MPV17L2: variants seen among roughly 807,000 people sequenced by gnomAD.
MPV17L2 encodes the protein MPV17 mitochondrial inner membrane protein like 2.
MPV17L2 carries 25 observed loss-of-function variants against 24.2 expected under a neutral mutation model. The ratio of observed to expected loss-of-function variants is 1.03; its 90% confidence interval spans 0.75 to 1.44. MPV17L2 has a LOEUF of 1.44. MPV17L2 is among the 40% of genes most tolerant of loss of function. The probability of loss-of-function intolerance (pLI) is 0.00; values close to 1 mark genes in which losing one functional copy is unlikely to be tolerated. For synonymous variants in MPV17L2, 130 were observed against 121.4 expected (o/e 1.07, Z -0.46); for missense variants, 271 against 276.2 (o/e 0.98, Z 0.13).
rs1224779702 is a variant in MPV17L2, at chr19:18,196,169, A to T, written c.*114A>T. The stretch of plus-strand genomic sequence containing the variant: ...GGGTCTTGAGCCACGTCCCAGCACC[A>T]CTTCAGCTCCGGAGCATTGGGCTGA... On this transcript the variant is annotated 3_prime_UTR_variant, in exon 5 of 5. Transcript: ENST00000599612. 5 of 1,577,930 alleles carry T rather than the reference A, an allele frequency of 3.2e-6. No homozygotes were observed. Among genetic ancestry groups the T allele is most frequent in the Non-Finnish European group, 4.3e-6 (5 of 1,165,278 alleles).
chr19:18,194,722 G>C, intron 2 of MPV17L2, 55 bp from the exon 3 acceptor site: 1 of 1,500,256 alleles, frequency 6.7e-7, no homozygotes, highest in Non-Finnish European at 9.1e-7. Flanking sequence ...CCATCTTGTC[G>C]TCTCAACAGT....
intron 1 of MPV17L2, 142 bp downstream of exon 1, chr19:18,193,610 T>TAA: frequency 7.1e-7 from 1 of 1,405,052 alleles, no homozygotes; most frequent in Non-Finnish European, 9.3e-7. Flanking sequence ...GGTGTCTGTC[T>TAA]CCCCGCAGCT....
chr19:18,196,739 A>G lies in MPV17L2; in HGVS notation c.*684A>G. The G allele has an allele frequency of 3.1e-6, 1 of 320,070 alleles. No homozygotes were observed. The highest frequency in any genetic ancestry group is 6.1e-6 in the Non-Finnish European group (1 of 163,238). 19.8% of individuals were successfully genotyped at this position (320,070 alleles called of 1,614,324 possible). A position where few individuals can be genotyped will look rare whatever the true frequency, so the allele number is the denominator to read the frequency against. Reference sequence around the variant, plus strand: ...TATTGAAAAATAAAAATAACAAAAGAAAATGCTGTGGATGATCAAAACCAG... The same window carrying G: ...TATTGAAAAATAAAAATAACAAAAGGAAATGCTGTGGATGATCAAAACCAG... On this transcript the variant is annotated 3_prime_UTR_variant, in exon 5 of 5. Coordinates refer to ENST00000599612, the MANE Select transcript of MPV17L2 (RefSeq NM_032683.3).
intron 2 of MPV17L2, 64 bp downstream of exon 2, chr19:18,194,098 T>C (rs898719390): frequency 1.3e-6 from 2 of 1,554,546 alleles, no homozygotes; most frequent in African/African-American, 2.7e-5. Flanking sequence ...GCCAGCTTTG[T>C]GTTAAGAAGG....
chr19:18,196,568 C>A lies in MPV17L2; in HGVS notation c.*513C>A. 1 of 638,352 alleles carries A rather than the reference C, an allele frequency of 1.6e-6. No homozygotes were observed. The highest frequency in any genetic ancestry group is 2.3e-6 in the Non-Finnish European group (1 of 435,156). 39.5% of individuals were successfully genotyped at this position (638,352 alleles called of 1,614,324 possible). ...AACTGTGGAAATGCCATTAAACTCT[C>A]TCTATAATGTAACTGAAACTGCTGG... is the stretch of plus-strand genomic sequence containing the variant. On this transcript the variant is annotated 3_prime_UTR_variant, in exon 5 of 5. Transcript: ENST00000599612.
At position 18,196,180 on chromosome 19, in the gene MPV17L2, G is replaced by C. The variant is rs17683509; in HGVS notation, c.*125G>C. On this transcript the variant is annotated 3_prime_UTR_variant, in exon 5 of 5. Coordinates refer to ENST00000599612, the MANE Select transcript of MPV17L2 (RefSeq NM_032683.3). ...CACGTCCCAGCACCACTTCAGCTCCGGAGCATTGGGCTGAGCCGCCCTTTC... is the reference window on the plus strand; with the variant it reads ...CACGTCCCAGCACCACTTCAGCTCCCGAGCATTGGGCTGAGCCGCCCTTTC... The C allele has an allele frequency of 0.32, 492,743 of 1,560,434 alleles. 80,837 individuals are homozygous for C. Among genetic ancestry groups the C allele is most frequent in the Non-Finnish European group, 0.34 (388,410 of 1,156,920 alleles).
At chr19:18,194,560 CTCTT>C (rs1233730992) in intron 2 of MPV17L2, among the ~76,000 whole-genome samples, 1 of 152,174 alleles carries the variant, frequency 6.6e-6, no homozygotes, top group Non-Finnish European at 1.5e-5. Context: ...TTTATAACCT[CTCTT>C]TCTCTCACTG....
In MPV17L2 at chr19:18,193,879, T is replaced by A; in HGVS notation, c.203T>A (p.Val68Glu). ...ACTCTTATAGCGAGCATGTTTGCGG[T>A]GGGCTGCAGCATGGGTCCCTTCCTG... ...DPRRSASMFA[V>E]GCSMGPFLHY... Residue 68 changes from valine to glutamate, a missense_variant, in exon 2 of 5, where the codon GTG becomes GAG. By Grantham distance (121) the Val-to-Glu change is moderately radical. Coordinates refer to ENST00000599612, the MANE Select transcript of MPV17L2 (RefSeq NM_032683.3). 2 of 1,614,106 alleles carry A rather than the reference T, an allele frequency of 1.2e-6. No individual in the cohort carries two copies. Among genetic ancestry groups the A allele is most frequent in the South Asian group, 1.1e-5 (1 of 91,084 alleles).
At position 18,193,864 on chromosome 19, in the gene MPV17L2, C is replaced by T. The variant is rs1403295667; in HGVS notation, c.188C>T (p.Ala63Val). Residue 63 changes from alanine (A) to valine (V), a missense_variant and splice_region_variant, in exon 2 of 5, where the codon GCG becomes GTG. Physicochemically the swap from Ala to Val is moderately conservative, Grantham distance 64. Coordinates refer to ENST00000599612, the MANE Select transcript of MPV17L2 (RefSeq NM_032683.3). ...AGCCCCCTGACTTACACTCTTATAGCGAGCATGTTTGCGGTGGGCTGCAGC... is the reference window on the plus strand; with the variant it reads ...AGCCCCCTGACTTACACTCTTATAGTGAGCATGTTTGCGGTGGGCTGCAGC... Reference protein sequence around the residue: ...PGQVFDPRRSASMFAVGCSMG... With the variant: ...PGQVFDPRRSVSMFAVGCSMG... 1 of 1,613,956 alleles carries T rather than the reference C, an allele frequency of 6.2e-7. No individual in the cohort carries two copies. Among genetic ancestry groups the T allele is most frequent in the East Asian group, 2.2e-5 (1 of 44,894 alleles).
At chr19:18,194,498 AAC>A (rs1967475924) in intron 2 of MPV17L2, among the ~76,000 whole-genome samples, 1 of 152,186 alleles carries the variant, frequency 6.6e-6, no homozygotes, top group South Asian at 2.1e-4. Context: ...ATGGAAAAGT[AAC>A]ACAACTCCCT....
At position 18,194,150 on chromosome 19, in the gene MPV17L2, C is replaced by T. The variant is rs1967470506; in HGVS notation, c.358+116C>T. 6 of 1,196,018 alleles carry T rather than the reference C, an allele frequency of 5.0e-6. No homozygotes were observed. In the East Asian group the frequency reaches 1.5e-4, roughly 31 times the overall value. The allele number at this position is 1,196,018 out of a possible 1,614,324, so 74.1% of individuals were successfully genotyped here. Reference sequence around the variant, plus strand: ...CCAATTTGCCCCCTGTTTGGGTCGCCCTGGACTAGGAGCCAGGTCACAGCG... The same window carrying T: ...CCAATTTGCCCCCTGTTTGGGTCGCTCTGGACTAGGAGCCAGGTCACAGCG... On this transcript the variant is annotated intron_variant, in intron 2 of 4. Coordinates refer to ENST00000599612, the MANE Select transcript of MPV17L2 (RefSeq NM_032683.3).
rs530867740 is a variant in MPV17L2 at position 18,193,296 on chromosome 19, C to T, written c.15C>T (p.Gly5=). 3.1e-5 allele frequency: 48 copies of T among 1,544,172 alleles called. 1 individual carries two copies. In the South Asian group the frequency reaches 5.0e-4, roughly 16 times the overall value. ...TCCTGAGGGCGATGGCGCGGGGTGG[C>T]TGGCGCCGGCTACGCCGCCTGTTAT... MARG[G]WRRLRRLLSA... is the part of the protein sequence containing the mutation. Residue 5 remains glycine (G), a synonymous_variant, in exon 1 of 5, where the codon GGC becomes GGT. Transcript: ENST00000599612.
At chr19:18,195,300 C>T (rs1373297317) in intron 4 of MPV17L2, among the ~76,000 whole-genome samples, 1 of 152,166 alleles carries the variant, frequency 6.6e-6, no homozygotes, top group Non-Finnish European at 1.5e-5. Flanking sequence ...AATCCCAGCA[C>T]TTTGGGAGGC....
At position 18,193,345 on chromosome 19, in the gene MPV17L2, G is replaced by T; in HGVS notation, c.64G>T (p.Gly22Cys). 6.4e-7 allele frequency: 1 copy of T among 1,564,944 alleles called. No individual in the cohort carries two copies. The change falls in exon 1 of 5, where the codon GGC becomes TGC. Residue 22 changes from glycine to cysteine, a missense_variant. Gly to Cys is a radical substitution (Grantham distance 159). Coordinates refer to ENST00000599612, the MANE Select transcript of MPV17L2 (RefSeq NM_032683.3). ...ATCCGCGGGGCAGCTTCTATTCCAGGGCCGCGCGCTGCTCGTCACTAACAC... is the reference window on the plus strand; with the variant it reads ...ATCCGCGGGGCAGCTTCTATTCCAGTGCCGCGCGCTGCTCGTCACTAACAC... Reference protein sequence around the residue: ...LLSAGQLLFQGRALLVTNTLG... With the variant: ...LLSAGQLLFQCRALLVTNTLG...
chr19:18,194,307 T>C (rs1304286320), intron 2 of MPV17L2: 7 of 511,248 alleles, frequency 1.4e-5, no homozygotes, highest in Non-Finnish European at 2.5e-5. Flanking sequence ...AGTTGAGACA[T>C]GAAGAGGGAA....
At chr19:18,194,117 G>A in intron 2 of MPV17L2, 83 bp downstream of exon 2, 1 of 1,479,768 alleles carries the variant, frequency 6.8e-7, no homozygotes, top group Non-Finnish European at 9.2e-7. Flanking sequence ...GGATGCAGAG[G>A]TGCATTTCCA....
intron 4 of MPV17L2, 66 bp downstream of exon 4, chr19:18,195,152 G>GTGGCAGTGTA: frequency 6.4e-7 from 1 of 1,564,386 alleles, no homozygotes; most frequent in South Asian, 1.2e-5. Context: ...TGAGCTCCAA[G>GTGGCAGTGTA]TGGCAGTGTA....
Position 18,194,826 on chromosome 19 carries a change from G to T in MPV17L2, c.408G>T (p.Leu136=). ...GQTVGESCQE[L]REKFWEFYKA... is the part of the protein sequence containing the mutation. ...CAGTGGGTGAGAGCTGCCAGGAGCTGCGGGAGAAGTTCTGGGAATTCTACA... is the reference window on the plus strand; with the variant it reads ...CAGTGGGTGAGAGCTGCCAGGAGCTTCGGGAGAAGTTCTGGGAATTCTACA... Residue 136 remains leucine, a synonymous_variant, in exon 3 of 5, where the codon CTG becomes CTT. Transcript: ENST00000599612. 1 of 1,610,212 alleles carries T rather than the reference G, an allele frequency of 6.2e-7. No homozygotes were observed. Among genetic ancestry groups the T allele is most frequent in the Non-Finnish European group, 8.5e-7 (1 of 1,178,838 alleles).
At chr19:18,194,256 C>A (rs549499163) in intron 2 of MPV17L2, 57 of 565,468 alleles carry the variant, frequency 1.0e-4, no homozygotes, top group South Asian at 8.1e-4. Context: ...CTGCCCTGGG[C>A]GGGAGGTTGA....
Sources: gnomAD v4.1 joint callset for allele counts (sites outside exome capture counted in the v4.1 genomes callset) on GRCh38, gnomAD v4.1.1 for gene constraint, MANE v1.5 for transcripts, NCBI Gene and HGNC (gene_info 2026-07-23, HGNC 2026-07-21) for gene names.